ANO4: variants seen among roughly 807,000 people sequenced by gnomAD.
ANO4 encodes anoctamin-4.
ANO4 carries 69 observed loss-of-function variants against 141.9 expected under a neutral mutation model. That is an observed-to-expected ratio of 0.49 (90% confidence interval 0.40 to 0.59). The LOEUF (loss-of-function observed/expected upper bound fraction) is 0.59. Ranked by LOEUF, ANO4 falls within the 20% of genes least tolerant of loss-of-function variation. The probability of loss-of-function intolerance (pLI) is 0.00; values close to 1 mark genes in which losing one functional copy is unlikely to be tolerated. For synonymous variants in ANO4, 350 were observed against 394.3 expected, an observed-to-expected ratio of 0.89 and a Z score of 1.33; for missense variants, 894 against 1,162.2, an observed-to-expected ratio of 0.77 and a Z score of 3.36.
chr12:101,114,912 C>T (rs1034680738), intron 24 of ANO4, among the ~76,000 whole-genome samples: 4 of 152,160 alleles, frequency 2.6e-5, no homozygotes, highest in Non-Finnish European at 4.4e-5. Flanking sequence ...TTTTCACCCA[C>T]GAGTGACTTG....
At chr12:100,793,700 A>G (rs2034142069), upstream of ANO4, among the ~76,000 whole-genome samples, 1 of 152,212 alleles carries the variant, frequency 6.6e-6, no homozygotes, top group Admixed American at 6.5e-5. Context: ...TCTTACAAAA[A>G]GTTCTGAAGT....
chr12:101,043,201 T>A (rs1051019781), intron 12 of ANO4, among the ~76,000 whole-genome samples: 4 of 152,248 alleles, frequency 2.6e-5, no homozygotes, highest in African/African-American at 9.6e-5. Flanking sequence ...TCTTTATATA[T>A]CTTCTTACTC....
intron 1 of ANO4, among the ~76,000 whole-genome samples, chr12:100,894,108 G>A (rs1390877490): frequency 6.6e-6 from 1 of 152,120 alleles, no homozygotes; most frequent in African/African-American, 2.4e-5. Flanking sequence ...CAGTTAACGT[G>A]GCTTTAGACA....
At chr12:100,890,838 T>G (rs931075626) in intron 1 of ANO4, among the ~76,000 whole-genome samples, 1 of 152,228 alleles carries the variant, frequency 6.6e-6, no homozygotes, top group Non-Finnish European at 1.5e-5. Flanking sequence ...ACTGTTGGTG[T>G]TGTACATTCT....
At position 101,019,383 on chromosome 12, in the gene ANO4, C is replaced by A. The variant is rs1018447132; in HGVS notation, c.735-651C>A. Among the ~76,000 whole-genome samples the A allele has an allele frequency of 2.0e-5, 3 of 152,000 alleles. No homozygotes were observed. In the South Asian group the frequency reaches 6.2e-4, roughly 31 times the overall value. ...GGAAAGCCGTGTGTGTGTGTGTGCG[C>A]ACACACACATACACACACATACCTG... On this transcript the variant is annotated intron_variant, in intron 8 of 27. Transcript: ENST00000392977.
intron 5 of ANO4, among the ~76,000 whole-genome samples, chr12:100,965,061 T>C (rs2043592585): frequency 2.6e-5 from 4 of 152,146 alleles, no homozygotes; most frequent in Admixed American, 1.3e-4. Flanking sequence ...TGAGTGGATG[T>C]GTGAGTGAAT....
At chr12:100,769,308 G>A (rs2033206525) in intron 3 of ANO4, among the ~76,000 whole-genome samples, 1 of 152,128 alleles carries the variant, frequency 6.6e-6, no homozygotes. Context: ...AAATTGATCC[G>A]AACTCTTAAT....
At chr12:100,999,605 G>A (rs1213578407) in intron 8 of ANO4, among the ~76,000 whole-genome samples, 1 of 152,100 alleles carries the variant, frequency 6.6e-6, no homozygotes, top group Non-Finnish European at 1.5e-5. Context: ...GCCTATCACA[G>A]CTGTACAAAT....
chr12:100,803,949 T>G (rs552036718), intron 1 of ANO4, among the ~76,000 whole-genome samples: 1 of 152,314 alleles, frequency 6.6e-6, no homozygotes, highest in East Asian at 1.9e-4. Context: ...AGAGCTTTTT[T>G]TTTTTCTTCT....
chr12:100,734,207 T>C lies in ANO4; in HGVS notation c.106+350T>C, dbSNP rs116511399. Among the ~76,000 whole-genome samples, 1,316 of 152,356 alleles carry C rather than the reference T, an allele frequency of 8.6e-3. 23 individuals are homozygous for C. The highest frequency in any genetic ancestry group is 0.03 in the African/African-American group (1,234 of 41,582). On this transcript the variant is annotated intron_variant, in intron 2 of 29. Coordinates refer to the ANO4 transcript ENST00000644049. ...TTTAAAGATTTATATTAATCTATTTTTAAAAGAAATAAGTGCAAATTGAAA... is the reference window on the plus strand; with the variant it reads ...TTTAAAGATTTATATTAATCTATTTCTAAAAGAAATAAGTGCAAATTGAAA...
At chr12:101,103,904 AGATATAG>A in intron 22 of ANO4, among the ~76,000 whole-genome samples, 1 of 151,882 alleles carries the variant, frequency 6.6e-6, no homozygotes, top group African/African-American at 2.4e-5. Flanking sequence ...TTTACTTAAT[AGATATAG>A]GACTATTTCA....
intron 1 of ANO4, among the ~76,000 whole-genome samples, chr12:100,886,503 G>A (rs1041252473): frequency 4.5e-4 from 68 of 152,216 alleles, no homozygotes; most frequent in African/African-American, 1.6e-3. Context: ...TGGGGGGCGT[G>A]CTCTTCTCCT....
intron 7 of ANO4, among the ~76,000 whole-genome samples, chr12:100,976,839 G>A (rs374169674): frequency 4.6e-5 from 7 of 152,210 alleles, no homozygotes; most frequent in African/African-American, 1.4e-4. Flanking sequence ...GGGCTAAGTG[G>A]AAATATCAAG....
intron 1 of ANO4, among the ~76,000 whole-genome samples, chr12:100,721,852 ATTTTTTT>A (rs377385548): frequency 1.5e-5 from 2 of 133,496 alleles, no homozygotes; most frequent in African/African-American, 2.7e-5. Context: ...CTAACTTTTA[ATTTTTTT>A]TTTTTTTTTT....
intron 15 of ANO4, among the ~76,000 whole-genome samples, chr12:101,083,104 T>C (rs746960048): frequency 2.1e-4 from 32 of 152,118 alleles, no homozygotes; most frequent in Non-Finnish European, 4.1e-4. Context: ...AGAATATACC[T>C]AAAGTCTATT....
intron 11 of ANO4, 22 bp downstream of exon 11, chr12:101,040,098 A>G (rs753242437): frequency 6.3e-7 from 1 of 1,596,108 alleles, no homozygotes. Flanking sequence ...ATCAGCTGCA[A>G]ATATAAAGCT....
At chr12:100,777,073 C>A (rs1355335285) in intron 3 of ANO4, among the ~76,000 whole-genome samples, 2 of 149,482 alleles carry the variant, frequency 1.3e-5, no homozygotes, top group African/African-American at 4.9e-5. Context: ...AGAGCCAGGA[C>A]TAGAAACCAG....
chr12:100,901,845 T>A lies in ANO4; in HGVS notation c.55+5T>A. On this transcript the variant is annotated splice_donor_5th_base_variant and intron_variant, in intron 2 of 27. Transcript: ENST00000392977. ...AAACCAAAGTCTTCCACCCAGGTGA[T>A]GCATGGGGAAGTTCAACGGGGACCC... 6.3e-7 allele frequency: 1 copy of A among 1,597,164 alleles called. No homozygotes were observed. The highest frequency in any genetic ancestry group is 1.3e-5 in the African/African-American group (1 of 74,236).
At chr12:100,848,112 T>C (rs2135838247) in intron 1 of ANO4, among the ~76,000 whole-genome samples, 1 of 152,352 alleles carries the variant, frequency 6.6e-6, no homozygotes, top group Middle Eastern at 3.4e-3. Context: ...CTATGTCAAC[T>C]GAGATTTCAT....
Sources: gnomAD v4.1 joint callset for allele counts (sites outside exome capture counted in the v4.1 genomes callset) on GRCh38, gnomAD v4.1.1 for gene constraint, MANE v1.5 for transcripts, NCBI Gene and HGNC (gene_info 2026-07-23, HGNC 2026-07-21) for gene names.